ATRNL1: variants seen among roughly 807,000 people sequenced by gnomAD.
ATRNL1 encodes the protein attractin-like protein 1.
ATRNL1 carries 95 observed loss-of-function variants against 182.7 expected under a neutral mutation model. That is an observed-to-expected ratio of 0.52 (90% CI 0.44 to 0.62). ATRNL1 has a LOEUF of 0.62. Among genes scored for constraint, ATRNL1 ranks in the 20% least tolerant of loss-of-function variants. ATRNL1 has a pLI of 0.00. For missense variants in ATRNL1, 1,471 were observed against 1,679.5 expected (o/e 0.88, Z 2.17); for synonymous variants, 576 against 568.3 (o/e 1.01, Z -0.19).
chr10:115,545,440 A>G (rs969744242), intron 25 of ATRNL1, among the ~76,000 whole-genome samples: 8 of 152,098 alleles, frequency 5.3e-5, no homozygotes, highest in Non-Finnish European at 8.8e-5. Context: ...TTTTACTGCT[A>G]ACCTAATAGG....
intron 24 of ATRNL1, among the ~76,000 whole-genome samples, chr10:115,497,589 G>A (rs1849611513): frequency 6.6e-6 from 1 of 152,150 alleles, no homozygotes; most frequent in Admixed American, 6.5e-5. Flanking sequence ...TTCTCTCCAT[G>A]AAAGTGGTGC....
chr10:115,142,748 C>T (rs1383072856), intron 5 of ATRNL1, among the ~76,000 whole-genome samples: 2 of 152,162 alleles, frequency 1.3e-5, no homozygotes, highest in East Asian at 3.9e-4. Context: ...GTAGCTTGGA[C>T]AGGTTGGTAG....
chr10:115,292,966 G>A (rs564244296), intron 15 of ATRNL1, among the ~76,000 whole-genome samples: 6 of 152,164 alleles, frequency 3.9e-5, no homozygotes, highest in Non-Finnish European at 7.4e-5. Flanking sequence ...AAGTCTCCAA[G>A]TATTATTGTT....
Position 115,381,432 on chromosome 10 carries a change from A to ATTTTTT in ATRNL1, c.3176-13215_3176-13210dup, listed in dbSNP as rs375127246. The stretch of plus-strand genomic sequence containing the variant: ...CAGGCACATGCCACCATACCTGGCA[A>ATTTTTT]TTTTTTTTTTTTTTTTTAGTAGACA... On this transcript the variant is annotated intron_variant, in intron 19 of 28. Transcript: ENST00000355044. 7.0e-3 allele frequency among the ~76,000 whole-genome samples: 482 copies of ATTTTTT among 68,540 alleles called. 59 individuals carry two copies. The highest frequency in any genetic ancestry group is 0.024 in the African/African-American group (400 of 16,708). 45.0% of individuals were successfully genotyped at this position (68,540 alleles called of 152,430 possible).
chr10:115,540,362 C>A (rs1464058467), intron 25 of ATRNL1, among the ~76,000 whole-genome samples: 1 of 151,976 alleles, frequency 6.6e-6, no homozygotes, highest in East Asian at 1.9e-4. Context: ...ACCATAGCCT[C>A]CAGATGGATA....
At chr10:115,875,993 A>G (rs1478436715) in intron 28 of ATRNL1, among the ~76,000 whole-genome samples, 1 of 152,212 alleles carries the variant, frequency 6.6e-6, no homozygotes, top group Non-Finnish European at 1.5e-5. Context: ...AAGGCAAAGT[A>G]GGAGATCAAA....
At chr10:115,933,819 A>G (rs1193504817) in intron 28 of ATRNL1, among the ~76,000 whole-genome samples, 2 of 151,872 alleles carry the variant, frequency 1.3e-5, no homozygotes, top group Non-Finnish European at 2.9e-5. Flanking sequence ...GGTTTCTCCT[A>G]CCTCTCTTCA....
At chr10:115,813,571 C>T (rs1053217592) in intron 27 of ATRNL1, among the ~76,000 whole-genome samples, 4 of 152,106 alleles carry the variant, frequency 2.6e-5, no homozygotes, top group Non-Finnish European at 5.9e-5. Context: ...TACTTGGTAT[C>T]CTTATGAAAC....
intron 9 of ATRNL1, among the ~76,000 whole-genome samples, chr10:115,227,777 G>A (rs2144498714): frequency 6.6e-6 from 1 of 152,256 alleles, no homozygotes; most frequent in South Asian, 2.1e-4. Flanking sequence ...CAACATGGAT[G>A]CAGTTGGAGG....
At chr10:115,292,722 A>G (rs1480037801) in intron 15 of ATRNL1, among the ~76,000 whole-genome samples, 1 of 151,952 alleles carries the variant, frequency 6.6e-6, no homozygotes, top group African/African-American at 2.4e-5. Context: ...GTCATGTAAG[A>G]TAGTTGGTAT....
chr10:115,230,913 G>GAGAGAGAGAGAGAGAGAGAA (rs1849914042), intron 9 of ATRNL1, among the ~76,000 whole-genome samples: 1 of 117,598 alleles, frequency 8.5e-6, no homozygotes, highest in African/African-American at 3.5e-5. Flanking sequence ...GAGAGAGAGA[G>GAGAGAGAGAGAGAGAGAGAA]AGAGAGAGAA....
At chr10:115,312,516 T>C (rs529981623) in intron 17 of ATRNL1, among the ~76,000 whole-genome samples, 2 of 152,308 alleles carry the variant, frequency 1.3e-5, no homozygotes, top group East Asian at 3.9e-4. Flanking sequence ...TATCTGATAC[T>C]TTTGTCTTAG....
At chr10:115,773,341 A>G (rs1302703859) in intron 27 of ATRNL1, among the ~76,000 whole-genome samples, 2 of 152,196 alleles carry the variant, frequency 1.3e-5, no homozygotes, top group African/African-American at 4.8e-5. Flanking sequence ...AAATCTTCCT[A>G]CATGAAGTTA....
At chr10:115,347,359 T>C (rs1856022401) in intron 19 of ATRNL1, among the ~76,000 whole-genome samples, 1 of 152,172 alleles carries the variant, frequency 6.6e-6, no homozygotes, top group African/African-American at 2.4e-5. Context: ...TGGGTAAAAG[T>C]CATTTTTATT....
At chr10:115,790,653 T>C (rs1296770797) in intron 27 of ATRNL1, among the ~76,000 whole-genome samples, 1 of 151,646 alleles carries the variant, frequency 6.6e-6, no homozygotes, top group Non-Finnish European at 1.5e-5. Context: ...AAAAAAAACT[T>C]TTAAACTGAA....
At chr10:115,599,332 A>G (rs572359748) in intron 26 of ATRNL1, among the ~76,000 whole-genome samples, 78 of 152,178 alleles carry the variant, frequency 5.1e-4, no homozygotes, top group Non-Finnish European at 9.4e-4. Flanking sequence ...TGTGCTTTCA[A>G]CTTAAAATGG....
At chr10:115,334,677 G>C (rs1554936175) in intron 19 of ATRNL1, among the ~76,000 whole-genome samples, 1 of 151,816 alleles carries the variant, frequency 6.6e-6, no homozygotes, top group East Asian at 1.9e-4. Flanking sequence ...ATAAATAAAA[G>C]AAAAAACACC....
chr10:115,808,587 T>C (rs1949975088), intron 27 of ATRNL1, among the ~76,000 whole-genome samples: 1 of 152,164 alleles, frequency 6.6e-6, no homozygotes, highest in Non-Finnish European at 1.5e-5. Flanking sequence ...TATGTGCAAC[T>C]TTATGAGAAA....
chr10:115,096,204 C>T (rs924899549), intron 1 of ATRNL1, among the ~76,000 whole-genome samples: 1 of 152,126 alleles, frequency 6.6e-6, no homozygotes, highest in Non-Finnish European at 1.5e-5. Context: ...TTTCCTAGGA[C>T]TCATTGTACT....
Sources: gnomAD v4.1 joint callset for allele counts (sites outside exome capture counted in the v4.1 genomes callset) on GRCh38, gnomAD v4.1.1 for gene constraint, MANE v1.5 for transcripts, NCBI Gene and HGNC (gene_info 2026-07-23, HGNC 2026-07-21) for gene names.